Variants in PPM1B observed in about 807,000 individuals in gnomAD.
PPM1B encodes the protein protein phosphatase 1B.
PPM1B carries 22 observed loss-of-function variants against 43.0 expected under a neutral mutation model. That is an observed-to-expected ratio of 0.51 (90% CI 0.37 to 0.73). The LOEUF (loss-of-function observed/expected upper bound fraction) is 0.73. PPM1B is among the 30% of genes least tolerant of loss of function. The pLI is 0.00. For synonymous variants in PPM1B, 217 were observed against 197.9 expected (o/e 1.10, Z -0.81); for missense variants, 632 against 584.2 (o/e 1.08, Z -0.84).
chr2:44,181,941 AAAG>A (rs1433264100), intron 1 of PPM1B, among the ~76,000 whole-genome samples: 10 of 151,974 alleles, frequency 6.6e-5, no homozygotes, highest in Admixed American at 5.2e-4. Context: ...AAAAAAGAAT[AAAG>A]AATAAAGAAA....
At chr2:44,183,625 A>G (rs191457814) in intron 1 of PPM1B, among the ~76,000 whole-genome samples, 3 of 152,348 alleles carry the variant, frequency 2.0e-5, no homozygotes, top group African/African-American at 7.2e-5. Flanking sequence ...AGGGCATACC[A>G]GTGAGCCCCA....
At chr2:44,238,150 G>A (rs1041041434), downstream of PPM1B, among the ~76,000 whole-genome samples, 12 of 152,090 alleles carry the variant, frequency 7.9e-5, no homozygotes, top group Admixed American at 3.3e-4. Flanking sequence ...TGATCCGCCC[G>A]CCTTGGCCTC....
Position 44,218,515 on chromosome 2 carries a change from A to G in PPM1B, c.1112A>G (p.Asn371Ser), listed in dbSNP as rs1440338778. The G allele has an allele frequency of 6.3e-7, 1 of 1,587,230 alleles. No homozygotes were observed. Residue 371 changes from asparagine to serine, a missense_variant, in exon 5 of 6, where the codon AAT becomes AGT. By Grantham distance (46) the Asn-to-Ser change is conservative. Transcript: ENST00000282412. Reference protein sequence around the residue: ...NVIEAVYSRLNPHRESDGASD... With the variant: ...NVIEAVYSRLSPHRESDGASD... ...ATTGAAGCTGTTTATAGTAGACTGAATCCACATAGAGAAAGTGATGGGGTA... is the reference window on the plus strand; with the variant it reads ...ATTGAAGCTGTTTATAGTAGACTGAGTCCACATAGAGAAAGTGATGGGGTA...
At chr2:44,192,248 C>T (rs747564021) in intron 1 of PPM1B, among the ~76,000 whole-genome samples, 4 of 135,830 alleles carry the variant, frequency 2.9e-5, no homozygotes, top group East Asian at 4.6e-4. Context: ...GATGGAGTTT[C>T]GCTCTGTCGC....
intron 1 of PPM1B, among the ~76,000 whole-genome samples, chr2:44,183,253 A>G (rs1417558995): frequency 1.3e-5 from 2 of 152,206 alleles, no homozygotes; most frequent in African/African-American, 2.4e-5. Flanking sequence ...CACCACTACC[A>G]TCTTAGACTG....
intron 1 of PPM1B, among the ~76,000 whole-genome samples, chr2:44,193,298 C>T (rs762055541): frequency 3.3e-5 from 5 of 152,150 alleles, no homozygotes; most frequent in Admixed American, 6.5e-5. Flanking sequence ...ATTTGCATTT[C>T]CCTGATGATT....
chr2:44,217,776 C>T lies in PPM1B; in HGVS notation c.965-191C>T, dbSNP rs900658153. ...TGCAAATAACTGTTTTTTCTTTTTT[C>T]CCCCTGCATAGCAATGTTTCAGTCA... On this transcript the variant is annotated intron_variant, in intron 3 of 5. Coordinates refer to ENST00000282412, the MANE Select transcript of PPM1B (RefSeq NM_002706.6). 4 of 385,686 alleles carry T rather than the reference C, an allele frequency of 1.0e-5. No individual in the cohort carries two copies. In the Admixed American group the frequency reaches 1.7e-4, roughly 17 times the overall value. 23.9% of individuals were successfully genotyped at this position (385,686 alleles called of 1,614,324 possible).
chr2:44,231,545 A>G (rs1416826297), downstream of PPM1B: 6 of 738,388 alleles, frequency 8.1e-6, no homozygotes, highest in East Asian at 1.3e-4. Context: ...AATACCCATT[A>G]GAAATTCATT....
intron 5 of PPM1B, among the ~76,000 whole-genome samples, chr2:44,240,032 A>G (rs534199263): frequency 8.9e-5 from 13 of 146,686 alleles, no homozygotes; most frequent in African/African-American, 3.2e-4. Context: ...CATTTTCAAG[A>G]CAAGGTCTCA....
At chr2:44,233,344 T>G (rs1247067986), downstream of PPM1B, 6 of 983,168 alleles carry the variant, frequency 6.1e-6, no homozygotes, top group African/African-American at 1.7e-5. Context: ...CTTTTCATTT[T>G]ATAACATTGG....
downstream of PPM1B, among the ~76,000 whole-genome samples, chr2:44,246,653 A>G (rs1249662560): frequency 6.6e-6 from 1 of 152,186 alleles, no homozygotes; most frequent in African/African-American, 2.4e-5. Flanking sequence ...AGGATTTTAC[A>G]TTCTTTGCAG....
chr2:44,233,290 A>C (rs1441677404), downstream of PPM1B: 1 of 919,850 alleles, frequency 1.1e-6, no homozygotes, highest in Non-Finnish European at 1.3e-6. Context: ...TATCTATTTT[A>C]GATCTAAGGA....
chr2:44,239,709 A>G (rs1471101086), intron 5 of PPM1B, among the ~76,000 whole-genome samples: 3 of 152,132 alleles, frequency 2.0e-5, no homozygotes, highest in East Asian at 3.8e-4. Flanking sequence ...TCCCAAGCAC[A>G]TATATTTAGG....
chr2:44,221,730 C>G (rs371266671), intron 5 of PPM1B, among the ~76,000 whole-genome samples: 1 of 151,836 alleles, frequency 6.6e-6, no homozygotes. Context: ...ATAAGTAGTA[C>G]CACTAGAAAT....
intron 2 of PPM1B, among the ~76,000 whole-genome samples, chr2:44,205,352 TGG>T (rs1553333037): frequency 2.4e-4 from 34 of 143,302 alleles, no homozygotes; most frequent in South Asian, 6.6e-4. Context: ...GGTGTGGGTG[TGG>T]GTGTGTGTGT....
At chr2:44,192,268 A>G (rs989805537) in intron 1 of PPM1B, among the ~76,000 whole-genome samples, 1 of 151,482 alleles carries the variant, frequency 6.6e-6, no homozygotes, top group African/African-American at 2.4e-5. Context: ...CCCAGGCTGG[A>G]GTGCAGTGGC....
At chr2:44,208,733 T>G (rs558781673) in intron 2 of PPM1B, among the ~76,000 whole-genome samples, 1 of 152,284 alleles carries the variant, frequency 6.6e-6, no homozygotes, top group East Asian at 1.9e-4. Flanking sequence ...TAATAATAAT[T>G]GTTTAGTTTA....
intron 1 of PPM1B, among the ~76,000 whole-genome samples, chr2:44,177,599 A>G (rs1278681415): frequency 2.0e-5 from 3 of 151,646 alleles, no homozygotes; most frequent in African/African-American, 7.3e-5. Flanking sequence ...TTGTATTTTT[A>G]GTAGAGACAG....
downstream of PPM1B, chr2:44,232,579 T>TA: frequency 7.4e-7 from 1 of 1,356,096 alleles, no homozygotes; most frequent in Non-Finnish European, 9.5e-7. Flanking sequence ...GCATACTCGT[T>TA]ACATCTGTAT....
Sources: allele counts gnomAD v4.1 joint callset (sites outside exome capture counted in the v4.1 genomes callset), GRCh38; gene constraint gnomAD v4.1.1; transcripts MANE v1.5; gene names NCBI Gene and HGNC (gene_info 2026-07-23, HGNC 2026-07-21).